ATP9B: variants seen among roughly 807,000 people sequenced by gnomAD.
ATP9B encodes ATPase phospholipid transporting 9B.
In ATP9B, 110 loss-of-function variants were observed where a neutral mutation model predicts 146.1. The observed-to-expected ratio is 0.75, with a 90% CI of 0.65 to 0.88. The LOEUF is 0.88. Ranked by LOEUF, ATP9B falls within the 40% of genes least tolerant of loss-of-function variation. ATP9B has a pLI of 0.00. For missense variants in ATP9B, 1,499 were observed against 1,496.4 expected, an observed-to-expected ratio of 1.00 and a Z score of -0.03; for synonymous variants, 604 against 569.7, an observed-to-expected ratio of 1.06 and a Z score of -0.86.
chr18:79,074,643 G>T (rs926215409), intron 1 of ATP9B, among the ~76,000 whole-genome samples: 1 of 152,204 alleles, frequency 6.6e-6, no homozygotes, highest in Non-Finnish European at 1.5e-5. Flanking sequence ...ATCCCCTGAT[G>T]GGAGAGGGGA....
chr18:79,149,926 T>G (rs2094656908), intron 6 of ATP9B, among the ~76,000 whole-genome samples: 1 of 151,762 alleles, frequency 6.6e-6, no homozygotes, highest in South Asian at 2.1e-4. Flanking sequence ...ACTGAAAATA[T>G]AAAAATTAGT....
chr18:79,199,762 GAAAAAAA>G (rs61015454), intron 9 of ATP9B, among the ~76,000 whole-genome samples: 48,960 of 139,598 alleles, frequency 0.35, 9,341 homozygotes, highest in African/African-American at 0.56. Flanking sequence ...GACTACATCT[GAAAAAAA>G]AAAAAAAAAG....
rs986297042 is a variant in ATP9B at position 79,314,255 on chromosome 18, G to T, written c.1773+7021G>T. The stretch of plus-strand genomic sequence containing the variant: ...ATCCTCTTAAAACCCTGTTTGTGGC[G>T]CTGTGTCATCTCGGTCTTTAGGAAG... On this transcript the variant is annotated intron_variant, in intron 15 of 29. Transcript: ENST00000426216. Among the ~76,000 whole-genome samples the T allele has an allele frequency of 2.0e-5, 3 of 152,140 alleles. No individual in the cohort carries two copies. The South Asian group carries it at 6.2e-4, about 32-fold the overall frequency.
chr18:79,078,663 GT>G (rs34895093), intron 1 of ATP9B, among the ~76,000 whole-genome samples: 4,805 of 143,150 alleles, frequency 0.034, 113 homozygotes, highest in Non-Finnish European at 0.044. Context: ...GTATAGTTCA[GT>G]TTTTTTTTTT....
At chr18:79,126,701 C>T (rs1942310) in intron 5 of ATP9B, among the ~76,000 whole-genome samples, 20,782 of 152,138 alleles carry the variant, frequency 0.14, 2,031 homozygotes, top group African/African-American at 0.27. Flanking sequence ...AATGTCACTT[C>T]ATCTAAAATC....
chr18:79,157,411 A>AAAAACAAAAC (rs1304595369), intron 7 of ATP9B, among the ~76,000 whole-genome samples: 2 of 149,156 alleles, frequency 1.3e-5, no homozygotes, highest in South Asian at 2.1e-4. Context: ...AAAAAAAAAA[A>AAAAACAAAAC]AAAAAAAAAA....
At chr18:79,189,295 C>G (rs912967610) in intron 8 of ATP9B, among the ~76,000 whole-genome samples, 1 of 151,930 alleles carries the variant, frequency 6.6e-6, no homozygotes, top group African/African-American at 2.4e-5. Context: ...TGCAGTGAGC[C>G]GAGATCTTGC....
In ATP9B at chr18:79,307,089, A is replaced by C; in HGVS notation, c.1628A>C (p.Glu543Ala). Reference protein sequence around the residue: ...VRKSVSSRIHEAVKAIVLCHN... With the variant: ...VRKSVSSRIHAAVKAIVLCHN... The stretch of plus-strand genomic sequence containing the variant: ...AAAAGTGTCAGTAGTCGAATCCATG[A>C]AGCCGTGAAAGCCATCGTGCTGTGT... The change falls in exon 15 of 30, where the codon GAA becomes GCA. Residue 543 changes from glutamate (E) to alanine (A), a missense_variant. By Grantham distance (107) the Glu-to-Ala change is moderately radical. Transcript: ENST00000426216. The C allele has an allele frequency of 6.2e-7, 1 of 1,614,242 alleles. No homozygotes were observed. Among genetic ancestry groups the C allele is most frequent in the Non-Finnish European group, 8.5e-7 (1 of 1,180,044 alleles).
chr18:79,236,803 A>T (rs1245280251), intron 11 of ATP9B, among the ~76,000 whole-genome samples: 12 of 125,280 alleles, frequency 9.6e-5, no homozygotes, highest in African/African-American at 2.8e-4. Context: ...CCCACTGTGT[A>T]CACGGTCCGT....
intron 11 of ATP9B, among the ~76,000 whole-genome samples, chr18:79,219,841 C>T (rs1224148350): frequency 6.6e-6 from 1 of 152,162 alleles, no homozygotes; most frequent in East Asian, 1.9e-4. Context: ...ACAACACTTT[C>T]GGTAGTGAAA....
chr18:79,164,122 C>T (rs1167887655), intron 7 of ATP9B, among the ~76,000 whole-genome samples: 1 of 152,086 alleles, frequency 6.6e-6, no homozygotes, highest in Non-Finnish European at 1.5e-5. Flanking sequence ...ATGGGGTTTT[C>T]TCGTGTTGCC....
At chr18:79,210,116 A>C (rs1474371752) in intron 10 of ATP9B, among the ~76,000 whole-genome samples, 1 of 152,202 alleles carries the variant, frequency 6.6e-6, no homozygotes, top group Non-Finnish European at 1.5e-5. Flanking sequence ...GAGCCAAGGC[A>C]GGACACAGAG....
chr18:79,207,118 AG>A, intron 10 of ATP9B, 106 bp downstream of exon 10: 1 of 1,097,328 alleles, frequency 9.1e-7, no homozygotes, highest in South Asian at 1.4e-5. Flanking sequence ...TGAAATATTT[AG>A]GGACCTTGCT....
chr18:79,214,833 G>A (rs917454402), intron 11 of ATP9B, among the ~76,000 whole-genome samples: 1 of 152,120 alleles, frequency 6.6e-6, no homozygotes, highest in Non-Finnish European at 1.5e-5. Flanking sequence ...TCTTATTAAC[G>A]CAGTGGAAAT....
At chr18:79,345,665 A>ATC in intron 22 of ATP9B, 93 bp downstream of exon 22, 1 of 1,599,072 alleles carries the variant, frequency 6.3e-7, no homozygotes, top group Non-Finnish European at 8.5e-7. Flanking sequence ...CTAAAACTAG[A>ATC]TTGATTTCAT....
chr18:79,105,163 G>A (rs193174151), intron 2 of ATP9B, among the ~76,000 whole-genome samples: 71 of 152,324 alleles, frequency 4.7e-4, no homozygotes, highest in Admixed American at 2.0e-3. Flanking sequence ...CTGCACGTTA[G>A]AGAACCAAAC....
chr18:79,218,281 G>A (rs538766781), intron 11 of ATP9B, among the ~76,000 whole-genome samples: 29 of 117,560 alleles, frequency 2.5e-4, no homozygotes, highest in African/African-American at 7.0e-4. Context: ...CTCGTGTTCC[G>A]TGTCTGACGC....
At chr18:79,142,321 C>G (rs958940018) in intron 5 of ATP9B, among the ~76,000 whole-genome samples, 3 of 152,138 alleles carry the variant, frequency 2.0e-5, no homozygotes, top group African/African-American at 7.2e-5. Flanking sequence ...ATTACAGAGT[C>G]AGAAAGGATA....
At chr18:79,371,232 C>T (rs2097067689) in intron 26 of ATP9B, among the ~76,000 whole-genome samples, 1 of 151,976 alleles carries the variant, frequency 6.6e-6, no homozygotes, top group Non-Finnish European at 1.5e-5. Flanking sequence ...ATTATCTGGG[C>T]ATGGTGGCAG....
Sources: gnomAD v4.1 joint callset for allele counts (sites outside exome capture counted in the v4.1 genomes callset) on GRCh38, gnomAD v4.1.1 for gene constraint, MANE v1.5 for transcripts, NCBI Gene and HGNC (gene_info 2026-07-23, HGNC 2026-07-21) for gene names.